Variants in SLC25A26 observed in about 807,000 individuals in gnomAD.
The protein encoded by SLC25A26 is mitochondrial S-adenosylmethionine carrier protein.
Under a neutral mutation model 37.8 loss-of-function variants are expected in SLC25A26, and 36 were observed. That is an observed-to-expected ratio of 0.95 (90% CI 0.73 to 1.26). The LOEUF is 1.26. SLC25A26 is among the 50% of genes most tolerant of loss of function. SLC25A26 has a pLI of 0.00. For synonymous variants in SLC25A26, 129 were observed against 122.5 expected (o/e 1.05, Z -0.35); for missense variants, 390 against 331.1 (o/e 1.18, Z -1.38).
At chr3:66,161,760 G>C (rs1347103418) in intron 1 of SLC25A26, among the ~76,000 whole-genome samples, 1 of 152,124 alleles carries the variant, frequency 6.6e-6, no homozygotes, top group Non-Finnish European at 1.5e-5. Context: ...CAGGTATTCA[G>C]GTAAATATTC....
At chr3:66,269,772 A>C (rs1156415502) in intron 5 of SLC25A26, among the ~76,000 whole-genome samples, 3 of 152,142 alleles carry the variant, frequency 2.0e-5, no homozygotes, top group Admixed American at 2.0e-4. Flanking sequence ...TTCTTGTATC[A>C]GTGCTGTGTA....
At chr3:66,242,624 A>T (rs1559607690) in intron 2 of SLC25A26, among the ~76,000 whole-genome samples, 1 of 152,154 alleles carries the variant, frequency 6.6e-6, no homozygotes, top group Non-Finnish European at 1.5e-5. Flanking sequence ...AAGCCGTCAT[A>T]TGCAGCTATG....
At chr3:66,228,358 A>G (rs1234152862) in intron 1 of SLC25A26, among the ~76,000 whole-genome samples, 1 of 152,214 alleles carries the variant, frequency 6.6e-6, no homozygotes, top group Non-Finnish European at 1.5e-5. Context: ...GCTGTAAGTG[A>G]CTTGTTAATG....
At chr3:66,244,300 C>T (rs1393957751) in intron 3 of SLC25A26, among the ~76,000 whole-genome samples, 52 of 152,288 alleles carry the variant, frequency 3.4e-4, no homozygotes, top group Middle Eastern at 6.8e-3. Context: ...CCCGAACCTG[C>T]ACTGAATAAC....
At position 66,291,967 on chromosome 3, in the gene SLC25A26, A is replaced by G. The variant is rs112313436; in HGVS notation, c.453+28588A>G. On this transcript the variant is annotated intron_variant, in intron 5 of 9. Coordinates refer to ENST00000354883, the MANE Select transcript of SLC25A26 (RefSeq NM_001379210.1). ...TTGTAGGTCTCTAAGAACTTGCTTT[A>G]TGAATCTGGGTGCTCCTGTATTGGG... Among the ~76,000 whole-genome samples, 1,217 of 152,294 alleles carry G rather than the reference A, an allele frequency of 8.0e-3. 15 individuals are homozygous for G. Among genetic ancestry groups the G allele is most frequent in the Middle Eastern group, 0.024 (7 of 294 alleles).
intron 5 of SLC25A26, among the ~76,000 whole-genome samples, chr3:66,335,227 T>G (rs953992325): frequency 1.3e-5 from 2 of 152,212 alleles, no homozygotes; most frequent in African/African-American, 4.8e-5. Flanking sequence ...TAAAGCAGAT[T>G]ATTTGTAGAT....
chr3:66,312,509 G>A (rs1399659764), intron 5 of SLC25A26, among the ~76,000 whole-genome samples: 4 of 149,376 alleles, frequency 2.7e-5, no homozygotes, highest in African/African-American at 7.5e-5. Context: ...TCTCACTGGG[G>A]TTCCAGGTGT....
At chr3:66,353,299 C>T (rs1575601069) in intron 6 of SLC25A26, among the ~76,000 whole-genome samples, 1 of 152,214 alleles carries the variant, frequency 6.6e-6, no homozygotes, top group South Asian at 2.1e-4. Context: ...GTGCCAGGCA[C>T]TGTAGTAACA....
intron 5 of SLC25A26, among the ~76,000 whole-genome samples, chr3:66,275,304 GA>G (rs1428696225): frequency 6.6e-6 from 1 of 151,594 alleles, no homozygotes; most frequent in Non-Finnish European, 1.5e-5. Context: ...AATGCTAAAT[GA>G]TGAGTTAATG....
At chr3:66,218,234 C>T (rs1287520171), upstream of SLC25A26, among the ~76,000 whole-genome samples, 7 of 152,068 alleles carry the variant, frequency 4.6e-5, no homozygotes, top group Non-Finnish European at 1.0e-4. Flanking sequence ...GTTTATACCA[C>T]CAGTTGATAG....
At chr3:66,153,407 C>A (rs1488987841) in intron 1 of SLC25A26, among the ~76,000 whole-genome samples, 2 of 152,138 alleles carry the variant, frequency 1.3e-5, no homozygotes, top group African/African-American at 4.8e-5. Flanking sequence ...CTTTATTGCC[C>A]TTAAGAATTA....
chr3:66,306,451 T>C (rs2075224389), intron 5 of SLC25A26, among the ~76,000 whole-genome samples: 1 of 152,214 alleles, frequency 6.6e-6, no homozygotes, highest in African/African-American at 2.4e-5. Flanking sequence ...TGCCCACTTT[T>C]TAATAGGGTT....
At chr3:66,182,429 G>A (rs538621159) in intron 1 of SLC25A26, among the ~76,000 whole-genome samples, 4 of 151,860 alleles carry the variant, frequency 2.6e-5, no homozygotes, top group Admixed American at 2.6e-4. Context: ...AACGGGAGGC[G>A]GCCTCTGAAT....
intron 1 of SLC25A26, among the ~76,000 whole-genome samples, chr3:66,192,346 T>C (rs2070961626): frequency 7.2e-6 from 1 of 139,596 alleles, no homozygotes; most frequent in African/African-American, 2.7e-5. Flanking sequence ...GAGAGAGAAA[T>C]TGCAGAATTT....
intron 1 of SLC25A26, among the ~76,000 whole-genome samples, chr3:66,147,141 C>T (rs1231755017): frequency 9.9e-6 from 1 of 101,362 alleles, no homozygotes; most frequent in Non-Finnish European, 2.0e-5. Context: ...CCCCTGCCCT[C>T]CCCGTCCCTC....
chr3:66,160,217 T>A (rs1215790518), intron 1 of SLC25A26, among the ~76,000 whole-genome samples: 1 of 152,120 alleles, frequency 6.6e-6, no homozygotes, highest in Non-Finnish European at 1.5e-5. Context: ...CTCGAGCACC[T>A]GACCTCAGGT....
At chr3:66,350,704 G>A (rs2076431754) in intron 6 of SLC25A26, among the ~76,000 whole-genome samples, 1 of 131,656 alleles carries the variant, frequency 7.6e-6, no homozygotes, top group East Asian at 3.9e-4. Context: ...GTGTGTGTGT[G>A]TGTGTGTGTG....
intron 6 of SLC25A26, among the ~76,000 whole-genome samples, chr3:66,350,490 AT>A (rs1302900307): frequency 1.3e-5 from 2 of 152,104 alleles, no homozygotes; most frequent in Non-Finnish European, 2.9e-5. Context: ...TTAGTACCTT[AT>A]GTTTTCCCAC....
At chr3:66,237,449 A>C (rs1313588470) in intron 2 of SLC25A26, among the ~76,000 whole-genome samples, 3 of 152,232 alleles carry the variant, frequency 2.0e-5, no homozygotes, top group Non-Finnish European at 4.4e-5. Context: ...TGTGAAGCCA[A>C]GTTTGATAAT....
Sources: allele counts gnomAD v4.1 joint callset (sites outside exome capture counted in the v4.1 genomes callset), GRCh38; gene constraint gnomAD v4.1.1; transcripts MANE v1.5; gene names NCBI Gene and HGNC (gene_info 2026-07-23, HGNC 2026-07-21).